The following MYL1 variants were observed in gnomAD, a reference collection of about 807,000 sequenced individuals.
MYL1 encodes the protein myosin light chain 1.
In MYL1, 16 loss-of-function variants were observed where a neutral mutation model predicts 21.8. The ratio of observed to expected loss-of-function variants is 0.74; its 90% CI spans 0.50 to 1.12. The LOEUF (loss-of-function observed/expected upper bound fraction) is 1.12. MYL1 is among the 50% of genes most tolerant of loss of function. The pLI is 0.00. For synonymous variants in MYL1, 99 were observed against 85.2 expected, an observed-to-expected ratio of 1.16 and a Z score of -0.89; for missense variants, 246 against 241.0, an observed-to-expected ratio of 1.02 and a Z score of -0.14.
At chr2:210,294,680 C>A (rs1472874618) in intron 3 of MYL1, among the ~76,000 whole-genome samples, 1 of 152,066 alleles carries the variant, frequency 6.6e-6, no homozygotes, top group Non-Finnish European at 1.5e-5. Flanking sequence ...CTCAAGTTAT[C>A]ATCTGTAAAA....
chr2:210,291,121 A>C (rs757670337), intron 5 of MYL1, 47 bp from the exon 6 acceptor site: 2 of 1,484,952 alleles, frequency 1.3e-6, no homozygotes, highest in Non-Finnish European at 1.9e-6. Context: ...GTTAGGAAAC[A>C]GTCAAATTTA....
Position 210,291,547 on chromosome 2 carries a change from A to C in MYL1, c.557-473T>G, listed in dbSNP as rs966782447. 4.7e-4 allele frequency among the ~76,000 whole-genome samples: 71 copies of C among 152,248 alleles called. 1 individual carries two copies. The highest frequency in any genetic ancestry group is 1.5e-4 in the Non-Finnish European group (10 of 68,040). ...GCTAAATTGACAGAGCTGTTTATGC[A>C]TATACAAGACCACATAAATATGTTT... On this transcript the variant is annotated intron_variant, in intron 5 of 6. Transcript: ENST00000352451.
chr2:210,308,889 T>C (rs573881059), intron 1 of MYL1, among the ~76,000 whole-genome samples: 237 of 152,184 alleles, frequency 1.6e-3, no homozygotes, highest in Admixed American at 4.2e-3. Context: ...AAAAATTCTT[T>C]GTGTGTGTGT....
At chr2:210,303,405 CA>C in intron 1 of MYL1, 1 of 680,724 alleles carries the variant, frequency 1.5e-6, no homozygotes, top group East Asian at 3.4e-5. Context: ...CAACAAAACC[CA>C]AAAGTAGATA....
At chr2:210,298,598 C>G (rs755703429) in intron 2 of MYL1, 35 bp from the exon 3 acceptor site, 2 of 1,612,228 alleles carry the variant, frequency 1.2e-6, no homozygotes, top group Non-Finnish European at 1.7e-6. Context: ...GTGCTCTTTT[C>G]TTCCTCTAAC....
At chr2:210,306,710 C>T (rs1173053935) in intron 1 of MYL1, among the ~76,000 whole-genome samples, 1 of 151,190 alleles carries the variant, frequency 6.6e-6, no homozygotes, top group East Asian at 2.0e-4. Context: ...AATTTTTTTC[C>T]TCTGGCACAC....
intron 1 of MYL1, among the ~76,000 whole-genome samples, chr2:210,312,482 T>A (rs1026800448): frequency 3.9e-5 from 6 of 151,916 alleles, no homozygotes; most frequent in Non-Finnish European, 1.5e-5. Context: ...ATATAAAATG[T>A]TTTAATGTAT....
intron 1 of MYL1, among the ~76,000 whole-genome samples, chr2:210,312,161 GCTGGGAA>G (rs1690427040): frequency 2.0e-5 from 3 of 151,790 alleles, no homozygotes; most frequent in African/African-American, 7.2e-5. Flanking sequence ...ATAGATATTA[GCTGGGAA>G]TACTATGGAG....
intron 1 of MYL1, among the ~76,000 whole-genome samples, chr2:210,305,694 G>T (rs775683260): frequency 4.6e-5 from 7 of 151,966 alleles, no homozygotes; most frequent in East Asian, 1.9e-4. Flanking sequence ...AGGTAAAAAA[G>T]TGTCCTTGCC....
intron 3 of MYL1, among the ~76,000 whole-genome samples, chr2:210,297,833 G>C (rs1235638634): frequency 6.6e-6 from 1 of 151,580 alleles, no homozygotes; most frequent in African/African-American, 2.4e-5. Flanking sequence ...TGTGTCAAAG[G>C]ACAGAGCACA....
In MYL1 at chr2:210,314,998, C is replaced by A. The variant is rs372051162; in HGVS notation, c.45G>T (p.Ala15=). The change falls in exon 1 of 7, where the codon GCG becomes GCT. Residue 15 remains alanine (A), a synonymous_variant. Transcript: ENST00000352451. ...GTGCCGGTGCCGGGGCTGGGGCAGC[C>A]GCAGCCGCAGCCACAGGTTTCTTCA... ...KDVKKPVAAA[A]AAPAPAPAPA... The A allele has an allele frequency of 1.9e-6, 3 of 1,606,348 alleles. No individual in the cohort carries two copies. The highest frequency in any genetic ancestry group is 2.2e-5 in the East Asian group (1 of 44,750).
chr2:210,300,035 A>T (rs778979481), intron 2 of MYL1, among the ~76,000 whole-genome samples: 1 of 138,898 alleles, frequency 7.2e-6, no homozygotes, highest in Non-Finnish European at 1.6e-5. Context: ...ATTTGACTAC[A>T]GATCAATTCC....
intron 1 of MYL1, among the ~76,000 whole-genome samples, chr2:210,305,130 C>G (rs1445263457): frequency 6.6e-6 from 1 of 152,166 alleles, no homozygotes; most frequent in Non-Finnish European, 1.5e-5. Flanking sequence ...GTCTTCCCTT[C>G]TAGAAAGACA....
At chr2:210,293,146 A>G (rs1690107218) in intron 5 of MYL1, among the ~76,000 whole-genome samples, 1 of 152,186 alleles carries the variant, frequency 6.6e-6, no homozygotes, top group Admixed American at 6.5e-5. Flanking sequence ...TTAAATTTGT[A>G]AATTATATTA....
Position 210,294,284 on chromosome 2 carries a change from CTG to C in MYL1, c.437_438del (p.Thr146SerfsTer5). 6.2e-7 allele frequency: 1 copy of C among 1,613,976 alleles called. No homozygotes were observed. Among genetic ancestry groups the C allele is most frequent in the South Asian group, 1.1e-5 (1 of 91,068 alleles). Reference sequence around the variant, plus strand: ...ACATGGCGGAGTTCAGCACCCATGACTGTGCCATTGCCTTCCTTGTCAAAGAC... The same window carrying C: ...ACATGGCGGAGTTCAGCACCCATGACTGCCATTGCCTTCCTTGTCAAAGAC... ...LRVFDKEGNG[T>X]VMGAELRHVL... On this transcript the variant is annotated frameshift_variant, in exon 4 of 7. Coordinates refer to ENST00000352451, the MANE Select transcript of MYL1 (RefSeq NM_079420.3). LOFTEE classifies it high-confidence loss of function.
chr2:210,314,610 C>T (rs1251615911), intron 1 of MYL1, among the ~76,000 whole-genome samples: 4 of 152,056 alleles, frequency 2.6e-5, no homozygotes, highest in Admixed American at 2.0e-4. Context: ...TTCTTAAATG[C>T]AACACTGTTA....
intron 5 of MYL1, among the ~76,000 whole-genome samples, chr2:210,291,656 T>C (rs1386976413): frequency 6.6e-6 from 1 of 152,244 alleles, no homozygotes; most frequent in African/African-American, 2.4e-5. Flanking sequence ...ATCTTACAGA[T>C]ATTATAACTG....
chr2:210,307,669 A>G lies in MYL1; in HGVS notation c.133-5154T>C, dbSNP rs181919467. Among the ~76,000 whole-genome samples, 139 of 152,270 alleles carry G rather than the reference A, an allele frequency of 9.1e-4. 1 individual carries two copies. The highest frequency in any genetic ancestry group is 2.5e-3 in the East Asian group (13 of 5,182). Reference sequence around the variant, plus strand: ...ATTCCACGTTTTTATGATTCGTGCTATCAATTGATGTCGGATTTAGGTAAC... The same window carrying G: ...ATTCCACGTTTTTATGATTCGTGCTGTCAATTGATGTCGGATTTAGGTAAC... On this transcript the variant is annotated intron_variant, in intron 1 of 6. Transcript: ENST00000352451.
At chr2:210,309,361 G>A (rs1454824915) in intron 1 of MYL1, among the ~76,000 whole-genome samples, 1 of 151,912 alleles carries the variant, frequency 6.6e-6, no homozygotes, top group East Asian at 1.9e-4. Context: ...CATTTACTAG[G>A]TACTTTATCA....
Sources: gnomAD v4.1 joint callset for allele counts (sites outside exome capture counted in the v4.1 genomes callset) on GRCh38, gnomAD v4.1.1 for gene constraint, MANE v1.5 for transcripts, NCBI Gene and HGNC (gene_info 2026-07-23, HGNC 2026-07-21) for gene names.